Variants in MGAT4D observed in about 807,000 individuals in gnomAD.
The protein encoded by MGAT4D is MGAT4 family member D.
Under a neutral mutation model 15.9 loss-of-function variants are expected in MGAT4D, and 34 were observed. The observed-to-expected ratio is 2.14, with a 90% CI of 1.62 to 2.84. The LOEUF is 2.84. Ranked by LOEUF, MGAT4D falls within the 30% of genes most tolerant of loss-of-function variation. The probability of loss-of-function intolerance (pLI) is 0.00; values close to 1 mark genes in which losing one functional copy is unlikely to be tolerated. For missense variants in MGAT4D, 327 were observed against 140.2 expected, an observed-to-expected ratio of 2.33 and a Z score of -6.73; for synonymous variants, 112 against 48.2, an observed-to-expected ratio of 2.33 and a Z score of -5.49.
chr4:140,446,743 G>GTTTTTTTTTT (rs149442061), intron 10 of MGAT4D, among the ~76,000 whole-genome samples: 3 of 8,170 alleles, frequency 3.7e-4, no homozygotes, highest in East Asian at 3.4e-3. Context: ...TGCTTCTCTA[G>GTTTTTTTTTT]TTTTTTTTTT....
At chr4:140,451,082 A>G (rs1258521306) in intron 10 of MGAT4D, among the ~76,000 whole-genome samples, 4 of 152,198 alleles carry the variant, frequency 2.6e-5, no homozygotes, top group Admixed American at 2.6e-4. Flanking sequence ...ATATTCTAGT[A>G]TAATTTTGAA....
intron 1 of MGAT4D, among the ~76,000 whole-genome samples, chr4:140,482,720 G>C (rs889082951): frequency 2.0e-5 from 3 of 151,998 alleles, no homozygotes; most frequent in African/African-American, 7.2e-5. Context: ...TAAATATAGT[G>C]ATATGAGGAA....
chr4:140,442,478 C>A lies in MGAT4D; in HGVS notation c.*958G>T, dbSNP rs941689535. 5 of 151,776 alleles carry A rather than the reference C, an allele frequency of 3.3e-5. No individual in the cohort carries two copies. Among genetic ancestry groups the A allele is most frequent in the Non-Finnish European group, 7.4e-5 (5 of 67,934 alleles). The allele number at this position is 151,776 out of a possible 1,614,324, so 9.4% of individuals were successfully genotyped here. A position where few individuals can be genotyped will look rare whatever the true frequency, so the allele number is the denominator to read the frequency against. On this transcript the variant is annotated 3_prime_UTR_variant, in exon 11 of 11. Transcript: ENST00000511113. ...AGAAGAAAAATAGATTTTAATGGGC[C>A]CCTGTAGAAACTGATGGATCAAGCA...
chr4:140,470,887 A>T (rs1018262039), intron 5 of MGAT4D, among the ~76,000 whole-genome samples: 28 of 142,984 alleles, frequency 2.0e-4, no homozygotes, highest in African/African-American at 3.1e-4. Context: ...TTATTTTATA[A>T]TTTTTTTTTT....
At chr4:140,496,488 G>C (rs1169168160) in intron 1 of MGAT4D, among the ~76,000 whole-genome samples, 1 of 152,172 alleles carries the variant, frequency 6.6e-6, no homozygotes, top group Non-Finnish European at 1.5e-5. Context: ...AAAGTCTACA[G>C]TTTCATTATA....
rs1377693845 is a variant in MGAT4D at position 140,459,643 on chromosome 4, A to C, written c.763-17T>G. 2.3e-6 allele frequency: 1 copy of C among 437,074 alleles called. No homozygotes were observed. Among genetic ancestry groups the C allele is most frequent in the South Asian group, 5.1e-5 (1 of 19,544 alleles). The allele number at this position is 437,074 out of a possible 1,614,324, so 27.1% of individuals were successfully genotyped here. ...ATCTTCTAGCTGAAAAAAAAAACCC[A>C]AAAAGACATTAATATCTTTGACGCT... On this transcript the variant is annotated splice_polypyrimidine_tract_variant and intron_variant, in intron 7 of 10. Coordinates refer to ENST00000511113, the MANE Select transcript of MGAT4D (RefSeq NM_001277353.2).
At chr4:140,446,751 T>G (rs1730157651) in intron 10 of MGAT4D, among the ~76,000 whole-genome samples, 1 of 78,764 alleles carries the variant, frequency 1.3e-5, no homozygotes, top group Non-Finnish European at 2.5e-5. Context: ...TAGTTTTTTT[T>G]TTTTTTTTTT....
At chr4:140,484,339 A>G (rs1465570381) in intron 1 of MGAT4D, among the ~76,000 whole-genome samples, 1 of 152,202 alleles carries the variant, frequency 6.6e-6, no homozygotes, top group Non-Finnish European at 1.5e-5. Flanking sequence ...ACAAGGTACC[A>G]TCTCACACCT....
intron 6 of MGAT4D, chr4:140,462,383 A>T (rs1731247743): frequency 1.9e-5 from 3 of 159,018 alleles, no homozygotes; most frequent in Non-Finnish European, 4.1e-5. Flanking sequence ...TTCTTTATTG[A>T]TTCTATCATC....
chr4:140,444,268 TA>T (rs1222004585), intron 10 of MGAT4D, among the ~76,000 whole-genome samples: 9 of 152,166 alleles, frequency 5.9e-5, no homozygotes, highest in African/African-American at 2.2e-4. Flanking sequence ...GTTTGTTATA[TA>T]GGTAAATTTG....
chr4:140,454,701 T>C (rs1436486615), intron 9 of MGAT4D, among the ~76,000 whole-genome samples: 2 of 152,170 alleles, frequency 1.3e-5, no homozygotes, highest in African/African-American at 4.8e-5. Flanking sequence ...TTTAGTAGAA[T>C]GCACCTTTAA....
intron 10 of MGAT4D, among the ~76,000 whole-genome samples, chr4:140,450,426 A>T (rs1371117110): frequency 6.6e-6 from 1 of 152,208 alleles, no homozygotes; most frequent in Non-Finnish European, 1.5e-5. Flanking sequence ...TGATGGTGTG[A>T]CTTTTTGCAC....
chr4:140,474,220 T>C (rs1732166113), intron 4 of MGAT4D, among the ~76,000 whole-genome samples: 1 of 152,190 alleles, frequency 6.6e-6, no homozygotes, highest in East Asian at 1.9e-4. Context: ...GATCTAGGCT[T>C]GAATCTGCTC....
chr4:140,473,451 C>T (rs995948544), intron 4 of MGAT4D, among the ~76,000 whole-genome samples: 13 of 152,160 alleles, frequency 8.5e-5, no homozygotes, highest in Non-Finnish European at 5.9e-5. Flanking sequence ...CTATGTGCCA[C>T]ACATCACTCT....
intron 5 of MGAT4D, among the ~76,000 whole-genome samples, chr4:140,468,770 A>T (rs1380986847): frequency 6.6e-6 from 1 of 152,148 alleles, no homozygotes; most frequent in African/African-American, 2.4e-5. Flanking sequence ...ACCTATTTCA[A>T]GCCTTCACTA....
chr4:140,493,369 T>C (rs907728690), intron 1 of MGAT4D, among the ~76,000 whole-genome samples: 7 of 150,698 alleles, frequency 4.6e-5, no homozygotes, highest in Admixed American at 1.3e-4. Context: ...GATCTCGGCT[T>C]ACTGCAAGCT....
intron 5 of MGAT4D, among the ~76,000 whole-genome samples, chr4:140,471,286 C>CCTTCCTTCCTTCCT (rs1299090943): frequency 7.0e-6 from 1 of 142,928 alleles, no homozygotes; most frequent in Admixed American, 7.1e-5. Flanking sequence ...TTCCTTCCTT[C>CCTTCCTTCCTTCCT]TCTCTCTTTT....
intron 1 of MGAT4D, among the ~76,000 whole-genome samples, chr4:140,487,181 A>G (rs1406618955): frequency 6.6e-6 from 1 of 152,244 alleles, no homozygotes; most frequent in African/African-American, 2.4e-5. Flanking sequence ...TATTGAAATT[A>G]CTTGCATATT....
In MGAT4D at chr4:140,456,645, C is replaced by G; in HGVS notation, c.952G>C (p.Asp318His). 2 of 698,640 alleles carry G rather than the reference C, an allele frequency of 2.9e-6. No homozygotes were observed. Among genetic ancestry groups the G allele is most frequent in the South Asian group, 3.0e-5 (2 of 66,810 alleles). The allele number at this position is 698,640 out of a possible 1,614,324, so 43.3% of individuals were successfully genotyped here. A position where few individuals can be genotyped will look rare whatever the true frequency, so the allele number is the denominator to read the frequency against. The change falls in exon 9 of 11, where the codon GAC becomes CAC. Residue 318 changes from aspartate to histidine, a missense_variant. Coordinates refer to ENST00000511113, the MANE Select transcript of MGAT4D (RefSeq NM_001277353.2). ...FLMFYKEKPI[D>H]WLLNDIFQVK... Reference sequence around the variant, plus strand: ...TGAAAAATGTCATTCAAGAGCCAGTCTATGGGTTTCTCTTTGTAGAACATT... The same window carrying G: ...TGAAAAATGTCATTCAAGAGCCAGTGTATGGGTTTCTCTTTGTAGAACATT...
Sources: gnomAD v4.1 joint callset for allele counts (sites outside exome capture counted in the v4.1 genomes callset) on GRCh38, gnomAD v4.1.1 for gene constraint, MANE v1.5 for transcripts, NCBI Gene and HGNC (gene_info 2026-07-23, HGNC 2026-07-21) for gene names.